PKNOX2: variants seen among roughly 807,000 people sequenced by gnomAD.
PKNOX2 encodes PBX/knotted 1 homeobox 2.
A neutral mutation model predicts 53.1 loss-of-function variants in PKNOX2; 14 were observed. The ratio of observed to expected loss-of-function variants is 0.26; its 90% CI spans 0.17 to 0.41. The LOEUF is 0.41. PKNOX2 is among the 10% of genes least tolerant of loss of function. PKNOX2 has a pLI of 1.00. For synonymous variants in PKNOX2, 257 were observed against 242.8 expected (o/e 1.06, Z -0.54); for missense variants, 496 against 602.8 (o/e 0.82, Z 1.85).
At chr11:125,294,944 A>C (rs753667652) in intron 2 of PKNOX2, among the ~76,000 whole-genome samples, 37 of 152,232 alleles carry the variant, frequency 2.4e-4, no homozygotes, top group Admixed American at 8.5e-4. Flanking sequence ...AGGAACTGGA[A>C]CTCTGCCTTG....
chr11:125,385,485 T>C, intron 5 of PKNOX2, 66 bp from the exon 6 acceptor site: 1 of 1,503,846 alleles, frequency 6.6e-7, no homozygotes. Flanking sequence ...GCCTGGTGGC[T>C]TCTGAGCACA....
intron 2 of PKNOX2, among the ~76,000 whole-genome samples, chr11:125,264,200 C>T (rs376451886): frequency 2.6e-5 from 4 of 152,098 alleles, no homozygotes; most frequent in Non-Finnish European, 5.9e-5. Flanking sequence ...GATAAGGAAC[C>T]GGGACCCAGT....
chr11:125,354,860 G>T (rs1229241316), intron 4 of PKNOX2, among the ~76,000 whole-genome samples: 10 of 151,260 alleles, frequency 6.6e-5, no homozygotes, highest in Admixed American at 6.6e-4. Context: ...TGGCTAAGCG[G>T]CTTCTAGCCC....
chr11:125,241,852 CA>C (rs1324453341), intron 2 of PKNOX2, among the ~76,000 whole-genome samples: 1 of 151,760 alleles, frequency 6.6e-6, no homozygotes, highest in Non-Finnish European at 1.5e-5. Flanking sequence ...AAGACTTCAT[CA>C]AAAAACAACA....
intron 3 of PKNOX2, among the ~76,000 whole-genome samples, chr11:125,338,219 A>G (rs1351375430): frequency 2.0e-5 from 3 of 151,476 alleles, no homozygotes; most frequent in Non-Finnish European, 4.4e-5. Context: ...CCTACTCCCC[A>G]CACTTCCCCA....
In PKNOX2 at chr11:125,189,467, A is replaced by ATATG. The variant is rs1956729619; in HGVS notation, c.-201+24694_-201+24695insGTAT. ...TGTGTGTATATATATATATATATAT[A>ATATG]TATATATATATATATATATATATAC... On this transcript the variant is annotated intron_variant, in intron 1 of 12. Coordinates refer to ENST00000298282, the MANE Select transcript of PKNOX2 (RefSeq NM_001382323.2). 4.2e-5 allele frequency among the ~76,000 whole-genome samples: 5 copies of ATATG among 118,670 alleles called. 1 individual carries two copies. Among genetic ancestry groups the ATATG allele is most frequent in the Non-Finnish European group, 8.7e-5 (5 of 57,334 alleles). 77.9% of individuals were successfully genotyped at this position (118,670 alleles called of 152,430 possible). A position where few individuals can be genotyped will look rare whatever the true frequency, so the allele number is the denominator to read the frequency against.
chr11:125,218,538 C>T (rs962817703), intron 1 of PKNOX2, among the ~76,000 whole-genome samples: 4 of 152,004 alleles, frequency 2.6e-5, no homozygotes, highest in Admixed American at 1.3e-4. Flanking sequence ...AGCAAAAGCA[C>T]GGAGGTGTGA....
intron 1 of PKNOX2, among the ~76,000 whole-genome samples, chr11:125,225,918 CTTTA>C (rs1168837340): frequency 6.6e-6 from 1 of 152,178 alleles, no homozygotes; most frequent in African/African-American, 2.4e-5. Flanking sequence ...TTAAAGGCCT[CTTTA>C]TTTCCAACCA....
At chr11:125,186,643 C>T (rs752480657) in intron 1 of PKNOX2, among the ~76,000 whole-genome samples, 1 of 152,098 alleles carries the variant, frequency 6.6e-6, no homozygotes, top group African/African-American at 2.4e-5. Context: ...CAGAAAGAGA[C>T]CTGGTCTCAA....
At chr11:125,282,784 G>A (rs540037794) in intron 2 of PKNOX2, among the ~76,000 whole-genome samples, 1 of 152,212 alleles carries the variant, frequency 6.6e-6, no homozygotes, top group Non-Finnish European at 1.5e-5. Context: ...TGGCCAATTT[G>A]GTAGTCACTA....
chr11:125,313,192 G>T (rs1310376247), intron 2 of PKNOX2, among the ~76,000 whole-genome samples: 1 of 152,214 alleles, frequency 6.6e-6, no homozygotes. Context: ...CCCCAGGTTT[G>T]TTTCTTGAAT....
At chr11:125,239,055 C>T (rs1295243393) in intron 2 of PKNOX2, among the ~76,000 whole-genome samples, 2 of 152,182 alleles carry the variant, frequency 1.3e-5, no homozygotes, top group Non-Finnish European at 2.9e-5. Flanking sequence ...TAGGTACTCA[C>T]TAAGGCTCCA....
chr11:125,377,246 A>T (rs1015116764), intron 5 of PKNOX2, among the ~76,000 whole-genome samples: 1 of 152,216 alleles, frequency 6.6e-6, no homozygotes, highest in African/African-American at 2.4e-5. Context: ...AAAATTCAGT[A>T]ACTTACCCAA....
intron 2 of PKNOX2, among the ~76,000 whole-genome samples, chr11:125,268,405 C>T (rs959035166): frequency 1.3e-5 from 2 of 152,220 alleles, no homozygotes; most frequent in African/African-American, 4.8e-5. Context: ...ATAACAGCTC[C>T]TTGACCGCTT....
At chr11:125,418,379 T>G (rs186792660) in intron 10 of PKNOX2, among the ~76,000 whole-genome samples, 1 of 152,100 alleles carries the variant, frequency 6.6e-6, no homozygotes, top group Admixed American at 6.5e-5. Flanking sequence ...CTTTCACTTC[T>G]TGGCTCATAA....
At chr11:125,178,696 G>GAAAGAAAGAA (rs1187761989) in intron 1 of PKNOX2, among the ~76,000 whole-genome samples, 1 of 70,104 alleles carries the variant, frequency 1.4e-5, no homozygotes, top group Non-Finnish European at 3.1e-5. Context: ...GAGAGAGAGA[G>GAAAGAAAGAA]AGAAAGAAAG....
intron 2 of PKNOX2, among the ~76,000 whole-genome samples, chr11:125,294,666 G>A (rs1457189981): frequency 6.6e-6 from 1 of 152,180 alleles, no homozygotes; most frequent in African/African-American, 2.4e-5. Context: ...AGTAAAAAAG[G>A]CCTGGGCATC....
At position 125,389,753 on chromosome 11, in the gene PKNOX2, C is replaced by T. The variant is rs188228570; in HGVS notation, c.399+4031C>T. 5.2e-3 allele frequency among the ~76,000 whole-genome samples: 796 copies of T among 152,284 alleles called. 3 individuals are homozygous for T. The highest frequency in any genetic ancestry group is 8.6e-3 in the Non-Finnish European group (582 of 68,032). On this transcript the variant is annotated intron_variant, in intron 6 of 12. Coordinates refer to ENST00000298282, the MANE Select transcript of PKNOX2 (RefSeq NM_001382323.2). ...TTATATATTATGCAAGATTTCAAAC[C>T]GTGGCTGTAAAACGTACGGTTTCAG...
chr11:125,347,947 G>C (rs1335474062), intron 3 of PKNOX2, among the ~76,000 whole-genome samples: 1 of 152,212 alleles, frequency 6.6e-6, no homozygotes, highest in Non-Finnish European at 1.5e-5. Context: ...CAGGTGTCTG[G>C]TGACAGAGCA....
Sources: allele counts gnomAD v4.1 joint callset (sites outside exome capture counted in the v4.1 genomes callset), GRCh38; gene constraint gnomAD v4.1.1; transcripts MANE v1.5; gene names NCBI Gene and HGNC (gene_info 2026-07-23, HGNC 2026-07-21).